The following CENPE variants were observed in gnomAD, a reference collection of about 807,000 sequenced individuals.
CENPE encodes centromere protein E, also known as centromere-associated protein E.
Under a neutral mutation model 336.1 loss-of-function variants are expected in CENPE, and 145 were observed. The observed-to-expected ratio is 0.43, with a 90% confidence interval of 0.38 to 0.50. CENPE has a LOEUF of 0.50. Among genes scored for constraint, CENPE ranks in the 20% least tolerant of loss-of-function variants. The probability of loss-of-function intolerance (pLI) is 0.00; values close to 1 mark genes in which losing one functional copy is unlikely to be tolerated. For synonymous variants in CENPE, 1,013 were observed against 984.8 expected (o/e 1.03, Z -0.54); for missense variants, 2,719 against 3,023.3 (o/e 0.90, Z 2.36).
At chr4:103,117,622 CTTTTTTTTTT>C (rs771337112) in intron 44 of CENPE, among the ~76,000 whole-genome samples, 2 of 115,064 alleles carry the variant, frequency 1.7e-5, no homozygotes, top group African/African-American at 3.7e-5. Context: ...ATTTTCTTTC[CTTTTTTTTTT>C]TTTTTTTTTT....
chr4:103,111,686 C>T (rs1749444040), intron 46 of CENPE, among the ~76,000 whole-genome samples: 2 of 151,948 alleles, frequency 1.3e-5, no homozygotes, highest in Admixed American at 1.3e-4. Flanking sequence ...ACCTGAAAGT[C>T]ATCTACAAAT....
rs766885349 is a variant in CENPE, at chr4:103,145,570, T to C, written c.4525A>G (p.Thr1509Ala). The C allele has an allele frequency of 2.5e-6, 4 of 1,609,330 alleles. No individual in the cohort carries two copies. The South Asian group carries it at 3.3e-5, about 13-fold the overall frequency. Residue 1509 changes from threonine (T) to alanine (A), a missense_variant, in exon 31 of 49, where the codon ACC becomes GCC. Coordinates refer to ENST00000265148, the MANE Select transcript of CENPE (RefSeq NM_001813.3). Reference sequence around the variant, plus strand: ...ATTGCTTCTAACTGCTTTTGAATGGTTGATATTTCAGTTTCCTTCTCTGAA... The same window carrying C: ...ATTGCTTCTAACTGCTTTTGAATGGCTGATATTTCAGTTTCCTTCTCTGAA... Reference protein sequence around the residue: ...NLSEKETEISTIQKQLEAIND... With the variant: ...NLSEKETEISAIQKQLEAIND...
chr4:103,162,599 G>A (rs1414364628), intron 18 of CENPE, among the ~76,000 whole-genome samples: 1 of 149,458 alleles, frequency 6.7e-6, no homozygotes, highest in South Asian at 2.1e-4. Context: ...TGGAGACAGA[G>A]TCTTGCTCTG....
chr4:103,140,706 T>C, intron 36 of CENPE, 108 bp downstream of exon 36: 1 of 883,284 alleles, frequency 1.1e-6, no homozygotes, highest in Non-Finnish European at 1.7e-6. Context: ...TGGTGGACAC[T>C]TAGATTATTT....
At chr4:103,166,919 T>C (rs1166295185) in intron 16 of CENPE, among the ~76,000 whole-genome samples, 2 of 152,242 alleles carry the variant, frequency 1.3e-5, no homozygotes, top group Non-Finnish European at 2.9e-5. Context: ...TTTAATCTTT[T>C]GGACAATTTC....
intron 14 of CENPE, 151 bp downstream of exon 14, chr4:103,176,748 A>C (rs1427847530): frequency 8.6e-6 from 5 of 583,528 alleles, no homozygotes; most frequent in Non-Finnish European, 1.3e-5. Context: ...TTTTAGAATT[A>C]CTTATTTTAA....
At chr4:103,155,117 G>A (rs993876720) in intron 24 of CENPE, among the ~76,000 whole-genome samples, 9 of 152,112 alleles carry the variant, frequency 5.9e-5, no homozygotes, top group Non-Finnish European at 1.0e-4. Flanking sequence ...TATCAACATG[G>A]ATAAATGACT....
intron 36 of CENPE, 101 bp from the exon 37 acceptor site, chr4:103,140,515 A>G (rs765536229): frequency 2.2e-6 from 2 of 893,104 alleles, no homozygotes; most frequent in Non-Finnish European, 3.3e-6. Context: ...ATACACTCAC[A>G]GTTAAAAACA....
intron 41 of CENPE, 93 bp downstream of exon 41, chr4:103,133,602 T>G: frequency 1.2e-6 from 1 of 836,312 alleles, no homozygotes; most frequent in Non-Finnish European, 1.9e-6. Context: ...TAATTTCTGG[T>G]AAATGAAAAT....
At position 103,120,196 on chromosome 4, in the gene CENPE, T is replaced by C. The variant is rs1273896733; in HGVS notation, c.7281A>G (p.Glu2427=). The change falls in exon 44 of 49, where the codon GAA becomes GAG. Residue 2427 remains glutamate, a synonymous_variant. Coordinates refer to ENST00000265148, the MANE Select transcript of CENPE (RefSeq NM_001813.3). ...IIAKLQAKVH[E]SNKCLEKTKE... is the part of the protein sequence containing the mutation. Reference sequence around the variant, plus strand: ...TTGTTTTTTCAAGGCATTTATTTGATTCATGAACTTTGGCTTGAAGTTTTG... The same window carrying C: ...TTGTTTTTTCAAGGCATTTATTTGACTCATGAACTTTGGCTTGAAGTTTTG... 4 of 1,610,884 alleles carry C rather than the reference T, an allele frequency of 2.5e-6. No individual in the cohort carries two copies. In the African/African-American group the frequency reaches 5.3e-5, roughly 22 times the overall value.
intron 8 of CENPE, among the ~76,000 whole-genome samples, chr4:103,192,936 T>C (rs1757479222): frequency 6.6e-6 from 1 of 151,762 alleles, no homozygotes. Flanking sequence ...TAATTATTTT[T>C]TTAGGAGGGT....
chr4:103,163,325 T>TTA, intron 17 of CENPE, 69 bp from the exon 18 acceptor site: 1 of 1,375,620 alleles, frequency 7.3e-7, no homozygotes, highest in Non-Finnish European at 1.0e-6. Flanking sequence ...AAAACAGAAC[T>TTA]TATATATATT....
chr4:103,119,665 G>A (rs1380916907), intron 44 of CENPE, among the ~76,000 whole-genome samples: 3 of 152,136 alleles, frequency 2.0e-5, no homozygotes, highest in Non-Finnish European at 4.4e-5. Context: ...TAAAACAAGA[G>A]GGAGCTGTAA....
chr4:103,170,509 A>G (rs2125995689), intron 16 of CENPE, among the ~76,000 whole-genome samples: 1 of 152,330 alleles, frequency 6.6e-6, no homozygotes, highest in South Asian at 2.1e-4. Context: ...TTTTCTTGTA[A>G]GCCTGATGGT....
intron 16 of CENPE, among the ~76,000 whole-genome samples, chr4:103,165,894 GA>G (rs1001717001): frequency 1.2e-4 from 17 of 147,290 alleles, no homozygotes; most frequent in African/African-American, 1.5e-4. Context: ...AAAAAAAAAA[GA>G]AAAAAAAGAA....
chr4:103,113,418 ATACTTATATAT>A (rs1027175788), intron 46 of CENPE, among the ~76,000 whole-genome samples: 7 of 142,380 alleles, frequency 4.9e-5, no homozygotes, highest in African/African-American at 1.8e-4. Flanking sequence ...TTTACTATAT[ATACTTATATAT>A]TACTTATATA....
In CENPE at chr4:103,147,390, T is replaced by G. The variant is rs1387870712; in HGVS notation, c.4100A>C (p.Gln1367Pro). ...AGTTTCTCTAATATGTTCTTTCAGC[T>G]GGTCATGTTTAACTTCAAGGGCTTC... ...IKEALEVKHD[Q>P]LKEHIRETLA... is the part of the protein sequence containing the mutation. The change falls in exon 29 of 49, where the codon CAG becomes CCG. Residue 1367 changes from glutamine (Q) to proline (P), a missense_variant. Gln to Pro is a moderately conservative substitution (Grantham distance 76, BLOSUM62 -1). Around this residue, in one of 5 missense-constraint regions of CENPE, gnomAD observed 2,437 missense variants for 2,513.3 expected, o/e 0.97. Transcript: ENST00000265148. 6.2e-7 allele frequency: 1 copy of G among 1,609,774 alleles called. No homozygotes were observed. The highest frequency in any genetic ancestry group is 1.7e-5 in the Admixed American group (1 of 59,286).
intron 39 of CENPE, among the ~76,000 whole-genome samples, chr4:103,138,143 G>A (rs1045916082): frequency 1.3e-5 from 2 of 152,126 alleles, no homozygotes; most frequent in Admixed American, 1.3e-4. Flanking sequence ...CTTTTCTGGT[G>A]AGGACTTAAA....
chr4:103,178,600 G>C, intron 13 of CENPE, among the ~76,000 whole-genome samples: 1 of 152,116 alleles, frequency 6.6e-6, no homozygotes, highest in East Asian at 1.9e-4. Flanking sequence ...CTATAAGGTG[G>C]CTTTCATCCC....
Sources: allele counts gnomAD v4.1 joint callset (sites outside exome capture counted in the v4.1 genomes callset), GRCh38; gene constraint gnomAD v4.1.1; regional missense constraint gnomAD v4.1.1; transcripts MANE v1.5; gene names NCBI Gene and HGNC (gene_info 2026-07-23, HGNC 2026-07-21).